The following KAZN variants were observed in gnomAD, a reference collection of about 807,000 sequenced individuals.
KAZN encodes the protein kazrin, periplakin interacting protein.
Under a neutral mutation model 87.4 loss-of-function variants are expected in KAZN, and 40 were observed. The observed-to-expected ratio is 0.46, with a 90% CI of 0.36 to 0.60. The LOEUF (loss-of-function observed/expected upper bound fraction) is 0.60. Among genes scored for constraint, KAZN ranks in the 20% least tolerant of loss-of-function variants. The pLI, the probability that KAZN is intolerant of heterozygous loss-of-function variation, is 0.00. For missense variants in KAZN, 898 were observed against 1,073.9 expected (o/e 0.84, Z 2.29); for synonymous variants, 466 against 458.3 (o/e 1.02, Z -0.22).
intron 1 of KAZN, among the ~76,000 whole-genome samples, chr1:14,097,252 G>A (rs980739275): frequency 3.3e-5 from 5 of 152,192 alleles, no homozygotes; most frequent in Admixed American, 2.0e-4. Flanking sequence ...ACTTAGATAG[G>A]AAGCTATTGC....
chr1:14,318,543 T>C (rs1655814924), intron 2 of KAZN, among the ~76,000 whole-genome samples: 1 of 152,050 alleles, frequency 6.6e-6, no homozygotes, highest in African/African-American at 2.4e-5. Flanking sequence ...TTTCTTTGTG[T>C]TTTTGCTGCT....
intron 1 of KAZN, among the ~76,000 whole-genome samples, chr1:14,838,518 C>G (rs7525220): frequency 0.21 from 31,265 of 152,034 alleles, 4,079 homozygotes; most frequent in African/African-American, 0.37. Context: ...TTATCTCCTT[C>G]TGTTCAGCTT....
At chr1:14,786,325 T>TG (rs1645507424) in intron 1 of KAZN, among the ~76,000 whole-genome samples, 1 of 152,214 alleles carries the variant, frequency 6.6e-6, no homozygotes, top group Admixed American at 6.5e-5. Context: ...AGCCAGGCAA[T>TG]GCTGTCATTG....
chr1:14,963,657 G>A (rs1664138859), intron 2 of KAZN, among the ~76,000 whole-genome samples: 1 of 152,142 alleles, frequency 6.6e-6, no homozygotes, highest in Admixed American at 6.5e-5. Context: ...TAAGTTCTGG[G>A]TTACATGTGC....
chr1:13,982,684 C>G (rs535502086), intron 1 of KAZN, among the ~76,000 whole-genome samples: 291 of 152,142 alleles, frequency 1.9e-3, no homozygotes, highest in Non-Finnish European at 2.2e-3. Context: ...GAGCTAGACA[C>G]AAAGGTTCTC....
At chr1:14,628,642 A>C (rs947639742) in intron 1 of KAZN, among the ~76,000 whole-genome samples, 1 of 152,160 alleles carries the variant, frequency 6.6e-6, no homozygotes, top group African/African-American at 2.4e-5. Context: ...TACAGAATCT[A>C]TTTTCACAAA....
At chr1:14,188,568 G>C (rs1646360912) in intron 2 of KAZN, among the ~76,000 whole-genome samples, 2 of 152,080 alleles carry the variant, frequency 1.3e-5, no homozygotes, top group Non-Finnish European at 2.9e-5. Context: ...ACATAGGAGT[G>C]GGATGGATGA....
At chr1:15,046,143 C>CA (rs1355398711) in intron 4 of KAZN, among the ~76,000 whole-genome samples, 1 of 151,954 alleles carries the variant, frequency 6.6e-6, no homozygotes, top group Non-Finnish European at 1.5e-5. Flanking sequence ...ACTAAAAATA[C>CA]AAAAATTAGC....
At chr1:14,326,133 G>A (rs975132658) in intron 2 of KAZN, among the ~76,000 whole-genome samples, 2 of 152,102 alleles carry the variant, frequency 1.3e-5, no homozygotes, top group Non-Finnish European at 2.9e-5. Flanking sequence ...AGTGTCTCAT[G>A]GTCATCTCAA....
intron 2 of KAZN, among the ~76,000 whole-genome samples, chr1:14,483,903 A>G (rs1257815979): frequency 6.6e-6 from 1 of 152,196 alleles, no homozygotes; most frequent in Non-Finnish European, 1.5e-5. Flanking sequence ...CAGGTCTTAC[A>G]TAAAGTCTTT....
chr1:15,007,838 A>G (rs1218145597), intron 2 of KAZN, among the ~76,000 whole-genome samples: 1 of 152,228 alleles, frequency 6.6e-6, no homozygotes, highest in African/African-American at 2.4e-5. Context: ...TTTGATTTGC[A>G]TAAGGAGTTT....
intron 1 of KAZN, among the ~76,000 whole-genome samples, chr1:13,907,320 G>C (rs1184390383): frequency 1.3e-5 from 2 of 152,190 alleles, no homozygotes; most frequent in African/African-American, 4.8e-5. Flanking sequence ...CCTATAGTGA[G>C]GTGGAGTGGC....
chr1:14,847,582 A>G (rs914328155), intron 1 of KAZN, among the ~76,000 whole-genome samples: 3 of 152,306 alleles, frequency 2.0e-5, no homozygotes, highest in South Asian at 4.1e-4. Flanking sequence ...TTGGGAGCAC[A>G]CTACTTCTGT....
chr1:14,482,151 G>A (rs1032201711), intron 2 of KAZN, among the ~76,000 whole-genome samples: 4 of 152,146 alleles, frequency 2.6e-5, no homozygotes, highest in African/African-American at 7.2e-5. Context: ...GGCCACCTCC[G>A]GGACAGGTGC....
chr1:14,556,319 C>T (rs1673870863), intron 2 of KAZN, among the ~76,000 whole-genome samples: 1 of 152,036 alleles, frequency 6.6e-6, no homozygotes, highest in Non-Finnish European at 1.5e-5. Context: ...CTGTGTTATC[C>T]AGGATGGTCT....
chr1:14,430,441 G>T (rs553918465), intron 2 of KAZN, among the ~76,000 whole-genome samples: 13 of 152,256 alleles, frequency 8.5e-5, no homozygotes, highest in Non-Finnish European at 1.5e-4. Context: ...CAAGGGTCTG[G>T]CTTTCAGGGT....
intron 1 of KAZN, among the ~76,000 whole-genome samples, chr1:14,693,724 G>A (rs1015600097): frequency 2.6e-5 from 4 of 152,186 alleles, no homozygotes; most frequent in Non-Finnish European, 5.9e-5. Context: ...AGTTTCAGAG[G>A]CACCCGTTTT....
intron 2 of KAZN, among the ~76,000 whole-genome samples, chr1:14,974,151 G>T (rs1665372966): frequency 6.6e-6 from 1 of 151,832 alleles, no homozygotes; most frequent in African/African-American, 2.4e-5. Flanking sequence ...GATGCTAAGG[G>T]CTCCCACAGA....
chr1:14,581,494 C>A (rs1250742977), intron 2 of KAZN, among the ~76,000 whole-genome samples: 1 of 152,192 alleles, frequency 6.6e-6, no homozygotes, highest in African/African-American at 2.4e-5. Context: ...TGGTTTCCTG[C>A]CTTCACTTTT....
Sources: gnomAD v4.1 joint callset for allele counts (sites outside exome capture counted in the v4.1 genomes callset) on GRCh38, gnomAD v4.1.1 for gene constraint, MANE v1.5 for transcripts, NCBI Gene and HGNC (gene_info 2026-07-23, HGNC 2026-07-21) for gene names.